The following ATXN1 variants were observed in gnomAD, a reference collection of about 807,000 sequenced individuals.
The protein encoded by ATXN1 is ataxin-1.
In ATXN1, 8 loss-of-function variants were observed where a neutral mutation model predicts 56.4. The ratio of observed to expected loss-of-function variants is 0.14; its 90% CI spans 0.08 to 0.26. The LOEUF is 0.26. Ranked by LOEUF, ATXN1 falls within the 10% of genes least tolerant of loss-of-function variation. The pLI is 1.00. For missense variants in ATXN1, 987 were observed against 1,106.5 expected (o/e 0.89, Z 1.53); for synonymous variants, 514 against 494.6 (o/e 1.04, Z -0.52).
At chr6:16,623,196 A>T (rs1763349592) in intron 3 of ATXN1, among the ~76,000 whole-genome samples, 2 of 152,236 alleles carry the variant, frequency 1.3e-5, no homozygotes, top group African/African-American at 4.8e-5. Flanking sequence ...CGTGGTATAC[A>T]GTACAGAAGT....
At chr6:16,348,095 G>A (rs1199835571) in intron 6 of ATXN1, among the ~76,000 whole-genome samples, 1 of 152,168 alleles carries the variant, frequency 6.6e-6, no homozygotes, top group Non-Finnish European at 1.5e-5. Flanking sequence ...TGAAGTCAGT[G>A]AGACCAAGAA....
chr6:16,452,721 G>A (rs553274137), intron 6 of ATXN1, among the ~76,000 whole-genome samples: 1 of 152,258 alleles, frequency 6.6e-6, no homozygotes, highest in Non-Finnish European at 1.5e-5. Flanking sequence ...TATCCCTCTT[G>A]TTCTTATAGT....
intron 6 of ATXN1, among the ~76,000 whole-genome samples, chr6:16,431,003 G>T (rs1434538974): frequency 6.6e-6 from 1 of 151,402 alleles, no homozygotes; most frequent in East Asian, 2.0e-4. Context: ...GACAACAGCA[G>T]AGCCCTCTCA....
intron 4 of ATXN1, among the ~76,000 whole-genome samples, chr6:16,580,474 C>T (rs1011946162): frequency 6.6e-6 from 1 of 152,166 alleles, no homozygotes; most frequent in African/African-American, 2.4e-5. Context: ...ATTAGTGTAG[C>T]AGGGGAAGGT....
intron 4 of ATXN1, among the ~76,000 whole-genome samples, chr6:16,526,373 A>G (rs1761394763): frequency 6.6e-6 from 1 of 152,214 alleles, no homozygotes; most frequent in Non-Finnish European, 1.5e-5. Context: ...AAATATAAAA[A>G]GCCTTAACAG....
chr6:16,707,749 T>C (rs186182169), intron 2 of ATXN1, among the ~76,000 whole-genome samples: 112 of 151,564 alleles, frequency 7.4e-4, no homozygotes, highest in Non-Finnish European at 7.2e-4. Flanking sequence ...AGTGGGGGAG[T>C]CATTTGGGGA....
At chr6:16,338,403 G>T (rs1477783218) in intron 6 of ATXN1, among the ~76,000 whole-genome samples, 1 of 152,166 alleles carries the variant, frequency 6.6e-6, no homozygotes, top group African/African-American at 2.4e-5. Flanking sequence ...TAAGGCAGGA[G>T]AATCGCTTGA....
intron 2 of ATXN1, among the ~76,000 whole-genome samples, chr6:16,678,317 G>A (rs1467978956): frequency 1.3e-5 from 2 of 152,128 alleles, no homozygotes; most frequent in Non-Finnish European, 2.9e-5. Flanking sequence ...TAAAGTCTCA[G>A]CCAACTATTC....
intron 2 of ATXN1, among the ~76,000 whole-genome samples, chr6:16,729,905 TA>T (rs1759930162): frequency 6.6e-6 from 1 of 152,216 alleles, no homozygotes; most frequent in South Asian, 2.1e-4. Flanking sequence ...AGGTGCTCAA[TA>T]AATGTTGATT....
At chr6:16,372,323 G>A (rs1762056007) in intron 6 of ATXN1, among the ~76,000 whole-genome samples, 1 of 152,128 alleles carries the variant, frequency 6.6e-6, no homozygotes, top group South Asian at 2.1e-4. Flanking sequence ...GATATGGACA[G>A]AAACAAGAGG....
At chr6:16,631,674 T>A (rs1763505739) in intron 3 of ATXN1, among the ~76,000 whole-genome samples, 1 of 152,228 alleles carries the variant, frequency 6.6e-6, no homozygotes, top group African/African-American at 2.4e-5. Flanking sequence ...TCTTTAGTTC[T>A]AATTATTAAA....
chr6:16,674,930 G>C (rs1277349402), intron 2 of ATXN1, among the ~76,000 whole-genome samples: 1 of 152,198 alleles, frequency 6.6e-6, no homozygotes, highest in Non-Finnish European at 1.5e-5. Flanking sequence ...ATCCTGTTTT[G>C]TGTAGTTCTG....
At chr6:16,419,708 C>T (rs914473036) in intron 6 of ATXN1, among the ~76,000 whole-genome samples, 3 of 152,142 alleles carry the variant, frequency 2.0e-5, no homozygotes, top group African/African-American at 7.2e-5. Flanking sequence ...ACAGGGGACA[C>T]TGCTACATGT....
chr6:16,420,939 C>A (rs1014862427), intron 6 of ATXN1, among the ~76,000 whole-genome samples: 3 of 152,098 alleles, frequency 2.0e-5, no homozygotes, highest in Admixed American at 1.3e-4. Flanking sequence ...AATGTCTCTG[C>A]GGTTTTGTAG....
rs184200732 is a variant in ATXN1, at chr6:16,705,297, C to T, written c.-614-47396G>A. ...TAGGGAAAGAGATATAAGGATACCTCGTCCTCTGTGAGGTGACTCAACAGT... is the reference window on the plus strand; with the variant it reads ...TAGGGAAAGAGATATAAGGATACCTTGTCCTCTGTGAGGTGACTCAACAGT... On this transcript the variant is annotated intron_variant, in intron 2 of 7. Coordinates refer to ENST00000436367, the MANE Select transcript of ATXN1 (RefSeq NM_001128164.2). Among the ~76,000 whole-genome samples the T allele has an allele frequency of 8.1e-4, 124 of 152,306 alleles. 3 individuals are homozygous for T. The highest frequency in any genetic ancestry group is 2.1e-4 in the Non-Finnish European group (14 of 68,014).
At chr6:16,492,216 T>C (rs1157643391) in intron 5 of ATXN1, among the ~76,000 whole-genome samples, 3 of 151,364 alleles carry the variant, frequency 2.0e-5, no homozygotes, top group Non-Finnish European at 2.9e-5. Flanking sequence ...TAGGTGGGAA[T>C]TGAACAATGA....
chr6:16,532,046 G>A (rs868287352), intron 4 of ATXN1, among the ~76,000 whole-genome samples: 7 of 152,278 alleles, frequency 4.6e-5, no homozygotes, highest in Non-Finnish European at 7.4e-5. Flanking sequence ...TGTCATTGTC[G>A]TGCAAAAGCA....
intron 2 of ATXN1, among the ~76,000 whole-genome samples, chr6:16,718,038 G>C (rs1404775526): frequency 2.0e-5 from 3 of 152,344 alleles, no homozygotes; most frequent in South Asian, 2.1e-4. Flanking sequence ...AAGTAAATAA[G>C]AGCAACAGCC....
intron 6 of ATXN1, among the ~76,000 whole-genome samples, chr6:16,431,361 T>C (rs1165294965): frequency 6.6e-6 from 1 of 152,204 alleles, no homozygotes; most frequent in African/African-American, 2.4e-5. Flanking sequence ...CCGTTTTATT[T>C]TTAAACTCGA....
Sources: gnomAD v4.1 joint callset for allele counts (sites outside exome capture counted in the v4.1 genomes callset) on GRCh38, gnomAD v4.1.1 for gene constraint, MANE v1.5 for transcripts, NCBI Gene and HGNC (gene_info 2026-07-23, HGNC 2026-07-21) for gene names.